The following CTPS2 variants were observed in gnomAD, a reference collection of about 807,000 sequenced individuals.
CTPS2 encodes the protein CTP synthase II.
Under a neutral mutation model 46.8 loss-of-function variants are expected in CTPS2, and 19 were observed. The ratio of observed to expected loss-of-function variants is 0.41; its 90% CI spans 0.28 to 0.60. CTPS2 has a LOEUF of 0.60. Among genes scored for constraint, CTPS2 ranks in the 20% least tolerant of loss-of-function variants. CTPS2 has a pLI of 0.35. For missense variants in CTPS2, 286 were observed against 447.6 expected (o/e 0.64, Z 3.26); for synonymous variants, 151 against 165.2 (o/e 0.91, Z 0.66).
At position 16,619,183 on chromosome X, in the gene CTPS2, G is replaced by A. The variant is rs1032108509; in HGVS notation, c.1449+1094C>T. Among the ~76,000 whole-genome samples, 5 of 111,931 alleles carry A rather than the reference G, an allele frequency of 4.5e-5. No homozygotes were observed. In the Admixed American group the frequency reaches 4.7e-4, roughly 11 times the overall value. On this transcript the variant is annotated intron_variant, in intron 15 of 18. Coordinates refer to ENST00000359276, the MANE Select transcript of CTPS2 (RefSeq NM_175859.3). The stretch of plus-strand genomic sequence containing the variant: ...TTGCCTACTTGGCATTGATTCCCAC[G>A]AGTCCTCCTTCAAAACAGAGCCCTA...
intron 8 of CTPS2, 87 bp from the exon 9 acceptor site, chrX:16,683,313 G>T: frequency 9.9e-7 from 1 of 1,008,998 alleles, no homozygotes; most frequent in Non-Finnish European, 1.4e-6. Context: ...TTACTCCAAG[G>T]CACTTTTTAA....
chrX:16,648,528 C>A (rs73450303), intron 13 of CTPS2, among the ~76,000 whole-genome samples: 2,353 of 112,233 alleles, frequency 0.021, 71 homozygotes, highest in African/African-American at 0.073. Context: ...TAAGCACAAA[C>A]GCCTACTTCC....
chrX:16,672,264 A>G (rs751450693), intron 10 of CTPS2, among the ~76,000 whole-genome samples: 2 of 111,105 alleles, frequency 1.8e-5, no homozygotes, highest in Non-Finnish European at 3.8e-5. Context: ...TTCCTCCTCA[A>G]AAGGGGAAAC....
intron 13 of CTPS2, among the ~76,000 whole-genome samples, chrX:16,661,005 G>A (rs1932934451): frequency 1.8e-5 from 2 of 108,537 alleles, no homozygotes; most frequent in Admixed American, 2.0e-4. Context: ...TGTTGCCCAG[G>A]CTGGAGTGCA....
At chrX:16,692,185 G>A (rs997192298) in intron 6 of CTPS2, among the ~76,000 whole-genome samples, 2 of 110,983 alleles carry the variant, frequency 1.8e-5, no homozygotes, top group South Asian at 3.8e-4. Flanking sequence ...TGGGCGTGGT[G>A]CAATCCCAGC....
chrX:16,706,122 G>C (rs1246180789), intron 1 of CTPS2, among the ~76,000 whole-genome samples: 5 of 108,280 alleles, frequency 4.6e-5, no homozygotes, highest in African/African-American at 1.7e-4. Context: ...AAGAAAGAAA[G>C]AAAAGAAAAG....
At chrX:16,593,293 G>T (rs1231646973) in intron 17 of CTPS2, among the ~76,000 whole-genome samples, 1 of 109,532 alleles carries the variant, frequency 9.1e-6, no homozygotes, top group African/African-American at 3.3e-5. Flanking sequence ...GCCGGGTGTG[G>T]TGGCGGGCGC....
At chrX:16,644,845 A>C (rs990213863) in intron 13 of CTPS2, among the ~76,000 whole-genome samples, 1 of 112,850 alleles carries the variant, frequency 8.9e-6, no homozygotes, top group Non-Finnish European at 1.9e-5. Context: ...TTATTTCATA[A>C]ATGCATCTCC....
At position 16,604,785 on chromosome X, in the gene CTPS2, C is replaced by T. The variant is rs148053462; in HGVS notation, c.1691+4756G>A. Among the ~76,000 whole-genome samples the T allele has an allele frequency of 8.9e-5, 10 of 112,860 alleles. No homozygotes were observed. The East Asian group carries it at 2.8e-3, about 31-fold the overall frequency. On this transcript the variant is annotated intron_variant, in intron 17 of 18. Coordinates refer to ENST00000359276, the MANE Select transcript of CTPS2 (RefSeq NM_175859.3). ...ATTTCTTATAATTACATGAAGCAGT[C>T]TCATTCTTTTACATTATGTGTCAGC...
intron 9 of CTPS2, 141 bp from the exon 10 acceptor site, chrX:16,678,591 A>G: frequency 2.2e-6 from 1 of 455,973 alleles, no homozygotes; most frequent in Non-Finnish European, 3.8e-6. Flanking sequence ...ATAGAAAAAC[A>G]GTCTCTGTTT....
At chrX:16,668,374 A>G (rs1361187960) in intron 11 of CTPS2, among the ~76,000 whole-genome samples, 2 of 105,450 alleles carry the variant, frequency 1.9e-5, no homozygotes, top group African/African-American at 7.0e-5. Context: ...GGAGATCGAG[A>G]CCATCCTGGC....
chrX:16,711,228 G>A (rs1018407494), intron 1 of CTPS2, among the ~76,000 whole-genome samples: 1 of 112,243 alleles, frequency 8.9e-6, no homozygotes, highest in Admixed American at 9.5e-5. Flanking sequence ...TTAACCCAAT[G>A]TAGCCAAAAA....
At chrX:16,620,406 G>T in intron 14 of CTPS2, 74 bp from the exon 15 acceptor site, 1 of 753,271 alleles carries the variant, frequency 1.3e-6, no homozygotes. Flanking sequence ...CTTTGTGGAG[G>T]CAAGTGCCTG....
chrX:16,656,006 G>A (rs1004807625), intron 13 of CTPS2, among the ~76,000 whole-genome samples: 11 of 110,529 alleles, frequency 1.0e-4, no homozygotes, highest in Admixed American at 9.6e-4. Flanking sequence ...ATGTTGGCCA[G>A]GCTGGTCTTA....
intron 13 of CTPS2, chrX:16,650,279 A>C (rs1932540844): frequency 1.8e-5 from 2 of 111,142 alleles, no homozygotes; most frequent in African/African-American, 6.5e-5. Context: ...AATGGTGTGA[A>C]AGATAATGGT....
At chrX:16,606,855 G>A (rs1320834161) in intron 17 of CTPS2, among the ~76,000 whole-genome samples, 1 of 111,233 alleles carries the variant, frequency 9.0e-6, no homozygotes, top group East Asian at 2.8e-4. Context: ...TCTGCCTCCC[G>A]GGTTCAAACG....
rs1932585910 is a variant in CTPS2, at chrX:16,650,859, A to G, written c.1297-11616T>C. 7.9e-6 allele frequency: 4 copies of G among 507,060 alleles called. No homozygotes were observed. The South Asian group carries it at 9.7e-5, about 12-fold the overall frequency. 41.8% of individuals were successfully genotyped at this position (507,060 alleles called of 1,213,427 possible). A position where few individuals can be genotyped will look rare whatever the true frequency, so the allele number is the denominator to read the frequency against. ...GTTAGTAGTTACTGGTGCCATTCCG[A>G]CCCCGACATTCTCTTTTCCTTATTC... On this transcript the variant is annotated intron_variant, in intron 13 of 18. Transcript: ENST00000359276.
At chrX:16,658,276 G>A (rs1331232867) in intron 13 of CTPS2, among the ~76,000 whole-genome samples, 1 of 108,645 alleles carries the variant, frequency 9.2e-6, no homozygotes, top group Non-Finnish European at 1.9e-5. Context: ...ACAGTTGAGG[G>A]ACTGTTTAAA....
In CTPS2 at chrX:16,631,359, A is replaced by T. The variant is rs753645048; in HGVS notation, c.1393+7788T>A. On this transcript the variant is annotated intron_variant, in intron 14 of 18. Coordinates refer to ENST00000359276, the MANE Select transcript of CTPS2 (RefSeq NM_175859.3). The stretch of plus-strand genomic sequence containing the variant: ...CAAGACTCTGTCTCAAAAAAAAAAA[A>T]AAATTAGAAATTAGCCAGGCGTGGT... Among the ~76,000 whole-genome samples, 72 of 109,066 alleles carry T rather than the reference A, an allele frequency of 6.6e-4. 1 individual carries two copies. The highest frequency in any genetic ancestry group is 2.2e-3 in the African/African-American group (65 of 29,972). 94.7% of individuals were successfully genotyped at this position (109,066 alleles called of 115,157 possible). A position where few individuals can be genotyped will look rare whatever the true frequency, so the allele number is the denominator to read the frequency against.
Sources: allele counts gnomAD v4.1 joint callset (sites outside exome capture counted in the v4.1 genomes callset), GRCh38; gene constraint gnomAD v4.1.1; transcripts MANE v1.5; gene names NCBI Gene and HGNC (gene_info 2026-07-23, HGNC 2026-07-21).